CCDC102B: variants seen among roughly 807,000 people sequenced by gnomAD.
CCDC102B encodes coiled-coil domain-containing protein 102B.
In CCDC102B, 75 loss-of-function variants were observed where a neutral mutation model predicts 57.4. That is an observed-to-expected ratio of 1.31 (90% CI 1.08 to 1.58). The LOEUF is 1.58. Ranked by LOEUF, CCDC102B falls within the 40% of genes most tolerant of loss-of-function variation. The probability of loss-of-function intolerance (pLI) is 0.00; values close to 1 mark genes in which losing one functional copy is unlikely to be tolerated. For synonymous variants in CCDC102B, 206 were observed against 201.9 expected (o/e 1.02, Z -0.17); for missense variants, 636 against 582.6 (o/e 1.09, Z -0.94).
Position 68,879,859 on chromosome 18 carries a change from T to C in CCDC102B, c.1053+5074T>C, listed in dbSNP as rs539338928. ...GAGCTAGATACAGAGTGCCGATTGG[T>C]GTATTTACAATCCCGGGGCTAGACA... On this transcript the variant is annotated intron_variant, in intron 5 of 7. Coordinates refer to ENST00000360242, the MANE Select transcript of CCDC102B (RefSeq NM_024781.3). Among the ~76,000 whole-genome samples the C allele has an allele frequency of 2.7e-4, 41 of 152,248 alleles. 1 individual carries two copies. The South Asian group carries it at 7.9e-3, about 29-fold the overall frequency.
chr18:68,725,488 G>C (rs1284785154), intron 2 of CCDC102B, among the ~76,000 whole-genome samples: 1 of 152,158 alleles, frequency 6.6e-6, no homozygotes, highest in East Asian at 1.9e-4. Flanking sequence ...GTTGCTGTTG[G>C]AATTTACTTG....
intron 7 of CCDC102B, among the ~76,000 whole-genome samples, chr18:69,014,301 C>T (rs770161166): frequency 2.6e-5 from 4 of 152,156 alleles, no homozygotes; most frequent in African/African-American, 9.7e-5. Flanking sequence ...TCTCAACTCC[C>T]TGTGAGAGAA....
chr18:68,877,717 CGTTTTCCTTAGAAAACAT>C (rs1226269176), intron 5 of CCDC102B, among the ~76,000 whole-genome samples: 2 of 152,194 alleles, frequency 1.3e-5, no homozygotes, highest in African/African-American at 2.4e-5. Context: ...TATCATCAAA[CGTTTTCCTTAGAAAACAT>C]GTTTTCCTAT....
chr18:68,798,077 G>T (rs182337727), upstream of CCDC102B: 1 of 152,122 alleles, frequency 6.6e-6, no homozygotes, highest in African/African-American at 2.4e-5. Flanking sequence ...AATCCTGTTG[G>T]CTAGGACTCC....
chr18:68,774,320 T>C (rs1456139498), intron 2 of CCDC102B, among the ~76,000 whole-genome samples: 3 of 151,572 alleles, frequency 2.0e-5, no homozygotes, highest in African/African-American at 7.3e-5. Context: ...TAATTATATA[T>C]GTATTTATAT....
chr18:69,022,860 A>C (rs1309751187), intron 7 of CCDC102B, among the ~76,000 whole-genome samples: 1 of 151,916 alleles, frequency 6.6e-6, no homozygotes, highest in Non-Finnish European at 1.5e-5. Flanking sequence ...CCAGATTCCT[A>C]AGGGGGAAAG....
Position 68,836,983 on chromosome 18 carries a change from C to T in CCDC102B, c.220C>T (p.Arg74Cys), listed in dbSNP as rs181604258. ...TNKWDICEELRLRELEEVKAR... is the reference protein window; with the variant it reads ...TNKWDICEELCLRELEEVKAR... ...CAAATGGGATATTTGTGAAGAACTTCGCCTGCGGGAGCTTGAAGAAGTCAA... is the reference window on the plus strand; with the variant it reads ...CAAATGGGATATTTGTGAAGAACTTTGCCTGCGGGAGCTTGAAGAAGTCAA... Residue 74 changes from arginine (R) to cysteine (C), a missense_variant, in exon 2 of 8, where the codon CGC (arginine) becomes TGC (cysteine). Arg to Cys is a radical substitution (Grantham distance 180). Transcript: ENST00000360242. 117 of 1,614,126 alleles carry T rather than the reference C, an allele frequency of 7.2e-5. 3 individuals are homozygous for T. Among genetic ancestry groups the T allele is most frequent in the East Asian group, 3.8e-4 (17 of 44,870 alleles).
At position 69,054,807 on chromosome 18, in the gene CCDC102B, T is replaced by C. The variant is rs1198908259; in HGVS notation, c.*670T>C. Reference sequence around the variant, plus strand: ...TTTGACTTTTATCTGGATAGACATTTCTACAGTAAAATCATGGAAAGGCAT... The same window carrying C: ...TTTGACTTTTATCTGGATAGACATTCCTACAGTAAAATCATGGAAAGGCAT... On this transcript the variant is annotated 3_prime_UTR_variant, in exon 8 of 8. Coordinates refer to ENST00000360242, the MANE Select transcript of CCDC102B (RefSeq NM_024781.3). The C allele has an allele frequency of 1.0e-6, 1 of 985,186 alleles. No homozygotes were observed. The highest frequency in any genetic ancestry group is 1.7e-5 in the African/African-American group (1 of 57,218). The allele number at this position is 985,186 out of a possible 1,614,324, so 61.0% of individuals were successfully genotyped here. A position where few individuals can be genotyped will look rare whatever the true frequency, so the allele number is the denominator to read the frequency against.
At chr18:68,750,363 A>C (rs897959531) in intron 2 of CCDC102B, among the ~76,000 whole-genome samples, 1 of 152,200 alleles carries the variant, frequency 6.6e-6, no homozygotes, top group Non-Finnish European at 1.5e-5. Context: ...AACTAGTTCA[A>C]CCATTGTAGA....
intron 6 of CCDC102B, among the ~76,000 whole-genome samples, chr18:68,909,505 A>G (rs2040762970): frequency 6.6e-6 from 1 of 152,338 alleles, no homozygotes; most frequent in African/African-American, 2.4e-5. Flanking sequence ...AAGTAAAAGC[A>G]TGCACTTCAG....
chr18:68,997,285 A>C (rs2051055633), intron 6 of CCDC102B, among the ~76,000 whole-genome samples: 1 of 152,154 alleles, frequency 6.6e-6, no homozygotes. Context: ...CATTTTTTTC[A>C]TTCAAATTTT....
chr18:68,850,426 G>A (rs2038069776), intron 4 of CCDC102B, among the ~76,000 whole-genome samples: 3 of 152,000 alleles, frequency 2.0e-5, no homozygotes, highest in Admixed American at 2.0e-4. Context: ...AAAGACTGCA[G>A]AATGAGTGTT....
intron 1 of CCDC102B, among the ~76,000 whole-genome samples, chr18:68,801,652 A>G (rs1430009139): frequency 3.3e-5 from 5 of 152,150 alleles, no homozygotes; most frequent in African/African-American, 1.2e-4. Context: ...AAAGTTTCCA[A>G]AAATAAAAGT....
intron 2 of CCDC102B, among the ~76,000 whole-genome samples, chr18:68,784,986 C>T (rs1481386839): frequency 8.7e-6 from 1 of 115,104 alleles, no homozygotes; most frequent in Non-Finnish European, 1.7e-5. Flanking sequence ...CCTCCCCCCA[C>T]CCCACAACAG....
chr18:68,723,963 A>G (rs966460570), intron 2 of CCDC102B, among the ~76,000 whole-genome samples: 1 of 152,096 alleles, frequency 6.6e-6, no homozygotes, highest in African/African-American at 2.4e-5. Flanking sequence ...TCTGTAACAA[A>G]CTTCTGCCTG....
chr18:69,042,132 G>A (rs1263473888), intron 7 of CCDC102B, among the ~76,000 whole-genome samples: 1 of 151,986 alleles, frequency 6.6e-6, no homozygotes, highest in African/African-American at 2.4e-5. Flanking sequence ...GAATGAAGGA[G>A]GAGCAGCATG....
At chr18:68,988,109 G>A (rs1463551625) in intron 6 of CCDC102B, among the ~76,000 whole-genome samples, 1 of 152,046 alleles carries the variant, frequency 6.6e-6, no homozygotes, top group Non-Finnish European at 1.5e-5. Flanking sequence ...GTTCATTGCA[G>A]CACTATTCAC....
chr18:68,889,505 C>T (rs746414480), intron 5 of CCDC102B, among the ~76,000 whole-genome samples: 7 of 152,124 alleles, frequency 4.6e-5, no homozygotes, highest in South Asian at 2.1e-4. Flanking sequence ...CCGCAACCTC[C>T]GCCTCCTGGG....
At chr18:68,818,236 G>A (rs1823330912) in intron 1 of CCDC102B, among the ~76,000 whole-genome samples, 1 of 151,838 alleles carries the variant, frequency 6.6e-6, no homozygotes, top group African/African-American at 2.4e-5. Flanking sequence ...TACTTCAATG[G>A]GAGAACACGT....
Sources: gnomAD v4.1 joint callset for allele counts (sites outside exome capture counted in the v4.1 genomes callset) on GRCh38, gnomAD v4.1.1 for gene constraint, MANE v1.5 for transcripts, NCBI Gene and HGNC (gene_info 2026-07-23, HGNC 2026-07-21) for gene names.